Variants in PRKN observed in about 807,000 individuals in gnomAD.
PRKN encodes E3 ubiquitin-protein ligase parkin.
In PRKN, 56 loss-of-function variants were observed where a neutral mutation model predicts 59.5. That is an observed-to-expected ratio of 0.94 (90% CI 0.76 to 1.18). The LOEUF (loss-of-function observed/expected upper bound fraction) is 1.18. PRKN is among the 50% of genes most tolerant of loss of function. The pLI is 0.00. For missense variants in PRKN, 657 were observed against 596.4 expected (o/e 1.10, Z -1.06); for synonymous variants, 250 against 222.1 (o/e 1.13, Z -1.12).
At position 161,721,455 on chromosome 6, in the gene PRKN, A is replaced by G. The variant is rs544351109; in HGVS notation, c.871+64317T>C. Among the ~76,000 whole-genome samples, 29 of 152,306 alleles carry G rather than the reference A, an allele frequency of 1.9e-4. 1 individual carries two copies. The South Asian group carries it at 5.8e-3, about 30-fold the overall frequency. ...TGCTCAAGGGCCAGCCCTCCTGACT[A>G]AAAACGGAGATGCCAGATCTACATA... On this transcript the variant is annotated intron_variant, in intron 7 of 11. Transcript: ENST00000366898.
At chr6:162,149,226 A>T (rs1782156562) in intron 4 of PRKN, among the ~76,000 whole-genome samples, 1 of 152,110 alleles carries the variant, frequency 6.6e-6, no homozygotes, top group Non-Finnish European at 1.5e-5. Flanking sequence ...AAAATAAAAT[A>T]TAAGACTTTA....
At chr6:162,326,081 A>G (rs931223963) in intron 2 of PRKN, among the ~76,000 whole-genome samples, 4 of 152,164 alleles carry the variant, frequency 2.6e-5, no homozygotes, top group Admixed American at 2.0e-4. Flanking sequence ...CCTAACATTC[A>G]CATTCTAATC....
chr6:162,165,288 T>C (rs1388694589), intron 4 of PRKN, among the ~76,000 whole-genome samples: 1 of 149,194 alleles, frequency 6.7e-6, no homozygotes, highest in African/African-American at 2.5e-5. Context: ...TTTGACAGGT[T>C]AGAGACCACA....
chr6:161,427,064 G>A (rs1032927904), intron 9 of PRKN, among the ~76,000 whole-genome samples: 3 of 151,968 alleles, frequency 2.0e-5, no homozygotes, highest in African/African-American at 7.3e-5. Context: ...GGTCCACCAT[G>A]TGGGAGTGCA....
At chr6:162,374,891 T>G (rs1474710585) in intron 2 of PRKN, among the ~76,000 whole-genome samples, 1 of 152,174 alleles carries the variant, frequency 6.6e-6, no homozygotes, top group Non-Finnish European at 1.5e-5. Flanking sequence ...AAACGTGAGT[T>G]AGATAAATAG....
At chr6:161,680,756 TATATATA>T (rs1159721777) in intron 7 of PRKN, among the ~76,000 whole-genome samples, 333 of 20,000 alleles carry the variant, frequency 0.017, 26 homozygotes, top group African/African-American at 0.044. Context: ...TATATATATA[TATATATA>T]TATATATATA....
chr6:161,958,326 T>C (rs1032796440), intron 6 of PRKN, among the ~76,000 whole-genome samples: 6 of 152,164 alleles, frequency 3.9e-5, no homozygotes, highest in African/African-American at 1.2e-4. Context: ...TGGGAAACCA[T>C]ATGAAGATTC....
intron 4 of PRKN, among the ~76,000 whole-genome samples, chr6:162,127,488 C>T (rs1781170877): frequency 6.6e-6 from 1 of 152,146 alleles, no homozygotes; most frequent in African/African-American, 2.4e-5. Context: ...TGCTATGTTT[C>T]TCTAGAAGTA....
chr6:162,445,096 T>C (rs1790246558), intron 1 of PRKN, among the ~76,000 whole-genome samples: 1 of 152,126 alleles, frequency 6.6e-6, no homozygotes, highest in South Asian at 2.1e-4. Flanking sequence ...AATACCAATG[T>C]GAGATGACCC....
chr6:162,516,146 T>G (rs999274287), intron 1 of PRKN, among the ~76,000 whole-genome samples: 1 of 152,190 alleles, frequency 6.6e-6, no homozygotes, highest in African/African-American at 2.4e-5. Context: ...GATCCTTCCC[T>G]CCTTCACAGC....
chr6:162,329,242 G>A (rs2128124272), intron 2 of PRKN, among the ~76,000 whole-genome samples: 1 of 152,276 alleles, frequency 6.6e-6, no homozygotes, highest in South Asian at 2.1e-4. Flanking sequence ...GAGGACGGAA[G>A]AGCGGGTGCA....
chr6:162,537,537 G>A (rs1333641427), intron 1 of PRKN, among the ~76,000 whole-genome samples: 2 of 152,134 alleles, frequency 1.3e-5, no homozygotes, highest in Non-Finnish European at 2.9e-5. Flanking sequence ...CAGTGCACGT[G>A]TGATCGCATC....
chr6:161,948,013 T>C (rs559244813), intron 6 of PRKN, among the ~76,000 whole-genome samples: 6 of 152,190 alleles, frequency 3.9e-5, no homozygotes, highest in Middle Eastern at 3.4e-3. Flanking sequence ...TGAGACAGAG[T>C]CTTGCTCTGT....
chr6:162,393,554 T>A (rs1787324505), intron 2 of PRKN, among the ~76,000 whole-genome samples: 1 of 152,166 alleles, frequency 6.6e-6, no homozygotes, highest in Admixed American at 6.5e-5. Flanking sequence ...AGAGATCAAC[T>A]TTTGCATGCA....
In PRKN at chr6:161,410,070, C is replaced by T. The variant is rs1787452835; in HGVS notation, c.1084-23193G>A. Among the ~76,000 whole-genome samples the T allele has an allele frequency of 6.6e-6, 1 of 151,516 alleles. No homozygotes were observed. The highest frequency in any genetic ancestry group is 2.4e-5 in the African/African-American group (1 of 41,160). The stretch of plus-strand genomic sequence containing the variant: ...ATGCAAAAGATCATAGGTGTAGGCT[C>T]TGGGCAGCCCGTGCATCTGCTGGGT... On this transcript the variant is annotated intron_variant, in intron 9 of 11. Coordinates refer to ENST00000366898, the MANE Select transcript of PRKN (RefSeq NM_004562.3). This position sits in a 1 kb window ranked among gnomAD's most constrained non-coding sequence, Gnocchi z 5.3.
At chr6:162,450,825 A>G (rs1054777922) in intron 1 of PRKN, among the ~76,000 whole-genome samples, 4 of 152,212 alleles carry the variant, frequency 2.6e-5, no homozygotes, top group Non-Finnish European at 5.9e-5. Flanking sequence ...GAAAAGAGAC[A>G]TTCGGTAAAA....
intron 6 of PRKN, among the ~76,000 whole-genome samples, chr6:161,966,447 C>T (rs1562424461): frequency 6.6e-6 from 1 of 152,186 alleles, no homozygotes; most frequent in Non-Finnish European, 1.5e-5. Flanking sequence ...GACACACATG[C>T]TGGCTAGGGA....
intron 1 of PRKN, among the ~76,000 whole-genome samples, chr6:162,726,837 T>A (rs1779229275): frequency 1.3e-5 from 2 of 152,144 alleles, no homozygotes; most frequent in African/African-American, 4.8e-5. Flanking sequence ...TTTTCAAACA[T>A]ATGGTGCATT....
intron 4 of PRKN, among the ~76,000 whole-genome samples, chr6:162,199,120 C>T (rs966959503): frequency 6.6e-5 from 10 of 152,124 alleles, no homozygotes; most frequent in Non-Finnish European, 1.0e-4. Context: ...GTCCTCACCG[C>T]CCCCTACTGC....
Sources: allele counts gnomAD v4.1 joint callset (sites outside exome capture counted in the v4.1 genomes callset), GRCh38; gene constraint gnomAD v4.1.1; non-coding constraint Gnocchi (gnomAD v3.1); transcripts MANE v1.5; gene names NCBI Gene and HGNC (gene_info 2026-07-23, HGNC 2026-07-21).